The following INPP5A variants were observed in gnomAD, a reference collection of about 807,000 sequenced individuals.
The protein encoded by INPP5A is 43 kDa inositol polyphosphate 5-phophatase.
INPP5A carries 14 observed loss-of-function variants against 65.2 expected under a neutral mutation model. That is an observed-to-expected ratio of 0.21 (90% CI 0.14 to 0.34). The LOEUF (loss-of-function observed/expected upper bound fraction) is 0.34. Among genes scored for constraint, INPP5A ranks in the 10% least tolerant of loss-of-function variants. The pLI, the probability that INPP5A is intolerant of heterozygous loss-of-function variation, is 1.00. For synonymous variants in INPP5A, 207 were observed against 208.3 expected (o/e 0.99, Z 0.05); for missense variants, 431 against 545.6 (o/e 0.79, Z 2.09).
chr10:132,685,202 G>T (rs779539164), intron 4 of INPP5A, among the ~76,000 whole-genome samples: 4 of 152,230 alleles, frequency 2.6e-5, no homozygotes, highest in Non-Finnish European at 5.9e-5. Flanking sequence ...CTTAGTCAGG[G>T]CTCCCCTGGG....
chr10:132,570,796 G>T (rs1267861199), intron 1 of INPP5A, among the ~76,000 whole-genome samples: 1 of 152,234 alleles, frequency 6.6e-6, no homozygotes, highest in Non-Finnish European at 1.5e-5. Flanking sequence ...GGTGCTGGGT[G>T]TTTCTGGGCT....
At chr10:132,655,529 A>G (rs1001550166) in intron 4 of INPP5A, among the ~76,000 whole-genome samples, 12 of 152,348 alleles carry the variant, frequency 7.9e-5, no homozygotes, top group African/African-American at 2.9e-4. Context: ...CAGCGCCCAG[A>G]GAGCCGACGT....
chr10:132,747,945 G>A (rs1200930198), intron 9 of INPP5A, among the ~76,000 whole-genome samples: 1 of 152,124 alleles, frequency 6.6e-6, no homozygotes, highest in African/African-American at 2.4e-5. Context: ...AGCTACTCGA[G>A]GGGCTGAGGT....
chr10:132,576,362 C>T (rs1352865416), intron 1 of INPP5A, among the ~76,000 whole-genome samples: 2 of 152,230 alleles, frequency 1.3e-5, no homozygotes, highest in East Asian at 3.9e-4. Context: ...TGGACAGGTG[C>T]TGGGTGGCAC....
chr10:132,736,894 G>A (rs1846186365), intron 9 of INPP5A, among the ~76,000 whole-genome samples: 1 of 152,246 alleles, frequency 6.6e-6, no homozygotes, highest in African/African-American at 2.4e-5. Context: ...GACCTCATCT[G>A]GTTACCGGCT....
At chr10:132,655,853 C>T (rs531364894) in intron 4 of INPP5A, among the ~76,000 whole-genome samples, 1 of 152,390 alleles carries the variant, frequency 6.6e-6, no homozygotes, top group South Asian at 2.1e-4. Context: ...CGCTTGTCAC[C>T]CGCCCCTCCC....
At chr10:132,611,456 G>T (rs1449985766) in intron 2 of INPP5A, among the ~76,000 whole-genome samples, 16 of 144,950 alleles carry the variant, frequency 1.1e-4, no homozygotes, top group Non-Finnish European at 1.7e-4. Context: ...TCTGAGGAGG[G>T]TGGAGGAAGT....
chr10:132,590,561 G>A (rs888195380), intron 1 of INPP5A, among the ~76,000 whole-genome samples: 27 of 152,078 alleles, frequency 1.8e-4, no homozygotes, highest in African/African-American at 6.0e-4. Flanking sequence ...AGGATGTTCC[G>A]ACCACCATGC....
chr10:132,576,051 G>C (rs909095879), intron 1 of INPP5A, among the ~76,000 whole-genome samples: 2 of 152,214 alleles, frequency 1.3e-5, no homozygotes, highest in African/African-American at 2.4e-5. Flanking sequence ...CCACTGGGCT[G>C]CTGTAGCTCC....
intron 11 of INPP5A, among the ~76,000 whole-genome samples, chr10:132,758,405 A>C (rs1052295527): frequency 1.3e-5 from 2 of 148,208 alleles, no homozygotes; most frequent in African/African-American, 5.0e-5. Flanking sequence ...GGCTGACCCC[A>C]CAACACAGTG....
rs1487423090 is a variant in INPP5A, at chr10:132,549,630, G to A, written c.75+11459G>A. Among the ~76,000 whole-genome samples, 1 of 152,238 alleles carries A rather than the reference G, an allele frequency of 6.6e-6. No homozygotes were observed. Among genetic ancestry groups the A allele is most frequent in the Non-Finnish European group, 1.5e-5 (1 of 68,040 alleles). ...GGCAGGTGGCAGGTGTGATGAGCAT[G>A]GGGAGTGCAGGTGAAGCAGGAGCAG... On this transcript the variant is annotated intron_variant, in intron 1 of 15. Transcript: ENST00000368594. This position sits in a 1 kb window ranked among gnomAD's most constrained non-coding sequence, Gnocchi z 4.9.
At chr10:132,755,619 T>G (rs767823151) in intron 11 of INPP5A, among the ~76,000 whole-genome samples, 3 of 148,484 alleles carry the variant, frequency 2.0e-5, no homozygotes, top group African/African-American at 5.2e-5. Context: ...TGAGTGGGTG[T>G]GTGTGTGTGT....
intron 1 of INPP5A, among the ~76,000 whole-genome samples, chr10:132,557,357 C>T (rs984013018): frequency 4.6e-5 from 7 of 152,248 alleles, no homozygotes; most frequent in African/African-American, 1.7e-4. Flanking sequence ...TGCCCTCCTG[C>T]AGCACGCGGG....
Position 132,559,434 on chromosome 10 carries a change from C to T in INPP5A, c.75+21263C>T, listed in dbSNP as rs71481920. 9.9e-3 allele frequency among the ~76,000 whole-genome samples: 1,507 copies of T among 152,340 alleles called. 10 individuals are homozygous for T. Among genetic ancestry groups the T allele is most frequent in the Non-Finnish European group, 0.015 (1,054 of 68,034 alleles). The stretch of plus-strand genomic sequence containing the variant: ...CGTGTTCACAAGGTCGTGTGACCTT[C>T]GCCCCTGATTTCAGAATGTTTTTAT... On this transcript the variant is annotated intron_variant, in intron 1 of 15. Coordinates refer to ENST00000368594, the MANE Select transcript of INPP5A (RefSeq NM_005539.5).
At chr10:132,617,017 T>C (rs550461396) in intron 2 of INPP5A, among the ~76,000 whole-genome samples, 4 of 152,130 alleles carry the variant, frequency 2.6e-5, no homozygotes, top group Non-Finnish European at 5.9e-5. Context: ...AGGCCGCTTC[T>C]GCAGCTTCGG....
At chr10:132,633,514 C>G (rs1049750690) in intron 2 of INPP5A, among the ~76,000 whole-genome samples, 2 of 152,148 alleles carry the variant, frequency 1.3e-5, no homozygotes, top group Non-Finnish European at 1.5e-5. Context: ...TGGGTTCGTA[C>G]TGTCTGAGCC....
chr10:132,742,976 G>A (rs1373635349), intron 9 of INPP5A, among the ~76,000 whole-genome samples: 1 of 152,218 alleles, frequency 6.6e-6, no homozygotes. Flanking sequence ...CGCCTGCCCC[G>A]CGCCCCCTTT....
chr10:132,696,277 T>C (rs907979567), intron 5 of INPP5A, among the ~76,000 whole-genome samples: 1 of 152,192 alleles, frequency 6.6e-6, no homozygotes, highest in Non-Finnish European at 1.5e-5. Context: ...AGCTATAGAT[T>C]CAACACAACC....
Position 132,675,425 on chromosome 10 carries a change from A to G in INPP5A, c.307-14967A>G, listed in dbSNP as rs1270264300. Among the ~76,000 whole-genome samples the G allele has an allele frequency of 6.6e-6, 1 of 152,246 alleles. No individual in the cohort carries two copies. The highest frequency in any genetic ancestry group is 1.9e-4 in the East Asian group (1 of 5,198). On this transcript the variant is annotated intron_variant, in intron 4 of 15. Coordinates refer to ENST00000368594, the MANE Select transcript of INPP5A (RefSeq NM_005539.5). The surrounding 1 kb of genome is among the most constrained non-coding windows in gnomAD (Gnocchi z 4.2). ...TCTCATATGAAGTCAGAGAGGAGAA[A>G]GGAATGAGACTCAAGGCAGTTGGGG...
Sources: gnomAD v4.1 joint callset for allele counts (sites outside exome capture counted in the v4.1 genomes callset) on GRCh38, gnomAD v4.1.1 for gene constraint, Gnocchi (gnomAD v3.1) non-coding constraint, MANE v1.5 for transcripts, NCBI Gene and HGNC (gene_info 2026-07-23, HGNC 2026-07-21) for gene names.